The following FBXO8 variants were observed in gnomAD, a reference collection of about 807,000 sequenced individuals.
FBXO8 encodes the protein F-box protein 8, also known as F-box only protein 8.
FBXO8 carries 15 observed loss-of-function variants against 33.4 expected under a neutral mutation model. That is an observed-to-expected ratio of 0.45 (90% CI 0.30 to 0.69). The LOEUF (loss-of-function observed/expected upper bound fraction) is 0.69. Among genes scored for constraint, FBXO8 ranks in the 30% least tolerant of loss-of-function variants. FBXO8 has a pLI of 0.08. For synonymous variants in FBXO8, 132 were observed against 131.5 expected (o/e 1.00, Z -0.02); for missense variants, 274 against 380.3 (o/e 0.72, Z 2.32).
At position 174,272,297 on chromosome 4, in the gene FBXO8, A is replaced by C. The variant is rs1193014280; in HGVS notation, c.-8-9197T>G. Among the ~76,000 whole-genome samples, 2 of 152,234 alleles carry C rather than the reference A, an allele frequency of 1.3e-5. No homozygotes were observed. Among genetic ancestry groups the C allele is most frequent in the African/African-American group, 4.8e-5 (2 of 41,462 alleles). On this transcript the variant is annotated intron_variant, in intron 1 of 5. Coordinates refer to ENST00000393674, the MANE Select transcript of FBXO8 (RefSeq NM_012180.3). The surrounding 1 kb of genome is among the most constrained non-coding windows in gnomAD (Gnocchi z 4.7). ...TGAATGCTCAAGTCCCTTGTATAAA[A>C]TGGCATAGTATACATCCTCCTGTAT...
At position 174,281,398 on chromosome 4, in the gene FBXO8, A is replaced by G. The variant is rs1737084233; in HGVS notation, c.-9+2012T>C. ...CAAACCACAAATATTTTTATCTTAT[A>G]TTGCTATAAAGTACTTGCACCAGCA... On this transcript the variant is annotated intron_variant, in intron 1 of 5. Transcript: ENST00000393674. This position sits in a 1 kb window ranked among gnomAD's most constrained non-coding sequence, Gnocchi z 4.6. Among the ~76,000 whole-genome samples, 1 of 152,172 alleles carries G rather than the reference A, an allele frequency of 6.6e-6. No homozygotes were observed. The highest frequency in any genetic ancestry group is 2.4e-5 in the African/African-American group (1 of 41,446).
Position 174,253,575 on chromosome 4 carries a change from T to C in FBXO8, c.456+6124A>G, listed in dbSNP as rs2076423583. On this transcript the variant is annotated intron_variant, in intron 3 of 5. Transcript: ENST00000393674. The surrounding 1 kb of genome is among the most constrained non-coding windows in gnomAD (Gnocchi z 4.5). ...GGCTGAATCACATGTTTTAAGTGTA[T>C]CACTAGTTAAAATGGCGTTACAGAT... Among the ~76,000 whole-genome samples, 1 of 152,190 alleles carries C rather than the reference T, an allele frequency of 6.6e-6. No individual in the cohort carries two copies. Among genetic ancestry groups the C allele is most frequent in the Non-Finnish European group, 1.5e-5 (1 of 68,032 alleles).
Position 174,237,595 on chromosome 4 carries a change from A to T in FBXO8, c.777T>A (p.Ala259=), listed in dbSNP as rs947658082. Residue 259 remains alanine (A), a synonymous_variant, in exon 6 of 6, where the codon GCT becomes GCA. Transcript: ENST00000393674. This position sits in a 1 kb window ranked among gnomAD's most constrained non-coding sequence, Gnocchi z 4.4. ...LMRELGLSPD[A]VYVLCYSLIL... is the part of the protein sequence containing the mutation. Reference sequence around the variant, plus strand: ...TCAAAGAGTAGCACAGTACATAGACAGCATCTGGAAAGAAAAAGAAACAGT... The same window carrying T: ...TCAAAGAGTAGCACAGTACATAGACTGCATCTGGAAAGAAAAAGAAACAGT... 1 of 1,584,272 alleles carries T rather than the reference A, an allele frequency of 6.3e-7. No individual in the cohort carries two copies. The highest frequency in any genetic ancestry group is 8.6e-7 in the Non-Finnish European group (1 of 1,161,738).
rs1471446668 is a variant in FBXO8, at chr4:174,256,379, G to T, written c.456+3320C>A. On this transcript the variant is annotated intron_variant, in intron 3 of 5. Coordinates refer to ENST00000393674, the MANE Select transcript of FBXO8 (RefSeq NM_012180.3). This position sits in a 1 kb window ranked among gnomAD's most constrained non-coding sequence, Gnocchi z 4.6. ...ATCTGATGACAGTGCTCCAGTGAGT[G>T]GGGAAAAAGAAAACAAAATACAGTC... Among the ~76,000 whole-genome samples the T allele has an allele frequency of 6.6e-6, 1 of 152,064 alleles. No individual in the cohort carries two copies. Among genetic ancestry groups the T allele is most frequent in the Non-Finnish European group, 1.5e-5 (1 of 68,008 alleles).
In FBXO8 at chr4:174,278,161, G is replaced by A. The variant is rs1736997179; in HGVS notation, c.-9+5249C>T. 6.6e-6 allele frequency among the ~76,000 whole-genome samples: 1 copy of A among 152,018 alleles called. No homozygotes were observed. Among genetic ancestry groups the A allele is most frequent in the Non-Finnish European group, 1.5e-5 (1 of 67,948 alleles). On this transcript the variant is annotated intron_variant, in intron 1 of 5. Coordinates refer to ENST00000393674, the MANE Select transcript of FBXO8 (RefSeq NM_012180.3). The surrounding 1 kb of genome is among the most constrained non-coding windows in gnomAD (Gnocchi z 4.1). ...CAACAAATGTAGAGAAATAAAGGAA[G>A]GGTAAGTCCACAAGGAGGTCTTTCT...
At chr4:174,280,330 AT>A (rs201966438) in intron 1 of FBXO8, among the ~76,000 whole-genome samples, 4 of 152,186 alleles carry the variant, frequency 2.6e-5, no homozygotes, top group African/African-American at 9.6e-5. Context: ...CGAAAAAAAA[AT>A]AAGTCTTGGC....
Position 174,255,678 on chromosome 4 carries a change from T to C in FBXO8, c.456+4021A>G, listed in dbSNP as rs1437590829. Among the ~76,000 whole-genome samples, 1 of 152,008 alleles carries C rather than the reference T, an allele frequency of 6.6e-6. No individual in the cohort carries two copies. The highest frequency in any genetic ancestry group is 1.5e-5 in the Non-Finnish European group (1 of 67,986). ...ACAATTACACAAACAAAAATAAGCC[T>C]ATATTAAAGTTAAACCATGTTCACT... On this transcript the variant is annotated intron_variant, in intron 3 of 5. Transcript: ENST00000393674. This position sits in a 1 kb window ranked among gnomAD's most constrained non-coding sequence, Gnocchi z 4.3.
In FBXO8 at chr4:174,271,667, C is replaced by T. The variant is rs1736840341; in HGVS notation, c.-8-8567G>A. Among the ~76,000 whole-genome samples the T allele has an allele frequency of 4.6e-5, 7 of 152,154 alleles. No homozygotes were observed. The South Asian group carries it at 1.5e-3, about 32-fold the overall frequency. On this transcript the variant is annotated intron_variant, in intron 1 of 5. Coordinates refer to ENST00000393674, the MANE Select transcript of FBXO8 (RefSeq NM_012180.3). ...CCACCCTCCTTATATTTACAATTGG[C>T]CCAGCATAATGGCTGTCAAACCAAT...
At position 174,265,867 on chromosome 4, in the gene FBXO8, T is replaced by G. The variant is rs1736685105; in HGVS notation, c.-8-2767A>C. ...CACCATTGCTATTCCTCTATTTAACTTAGCAAGAAAATATCTAGAAATCAC... is the reference window on the plus strand; with the variant it reads ...CACCATTGCTATTCCTCTATTTAACGTAGCAAGAAAATATCTAGAAATCAC... On this transcript the variant is annotated intron_variant, in intron 1 of 5. Coordinates refer to ENST00000393674, the MANE Select transcript of FBXO8 (RefSeq NM_012180.3). This position sits in a 1 kb window ranked among gnomAD's most constrained non-coding sequence, Gnocchi z 4.7. Among the ~76,000 whole-genome samples, 1 of 152,206 alleles carries G rather than the reference T, an allele frequency of 6.6e-6. No individual in the cohort carries two copies. The highest frequency in any genetic ancestry group is 1.5e-5 in the Non-Finnish European group (1 of 68,038).
rs992804968 is a variant in FBXO8, at chr4:174,245,994, A to C, written c.457-4776T>G. On this transcript the variant is annotated intron_variant, in intron 3 of 5. Transcript: ENST00000393674. This position sits in a 1 kb window ranked among gnomAD's most constrained non-coding sequence, Gnocchi z 4.6. ...CATGTTGAATTTTAGGTGATGACAG[A>C]TATAACTAGAAAGGCATAGTAGGCA... Among the ~76,000 whole-genome samples the C allele has an allele frequency of 3.9e-5, 6 of 152,120 alleles. No homozygotes were observed. Among genetic ancestry groups the C allele is most frequent in the Middle Eastern group, 3.4e-3 (1 of 294 alleles).
In FBXO8 at chr4:174,275,228, T is replaced by C. The variant is rs1736933189; in HGVS notation, c.-9+8182A>G. Among the ~76,000 whole-genome samples, 1 of 152,166 alleles carries C rather than the reference T, an allele frequency of 6.6e-6. No homozygotes were observed. Among genetic ancestry groups the C allele is most frequent in the African/African-American group, 2.4e-5 (1 of 41,444 alleles). On this transcript the variant is annotated intron_variant, in intron 1 of 5. Coordinates refer to ENST00000393674, the MANE Select transcript of FBXO8 (RefSeq NM_012180.3). This position sits in a 1 kb window ranked among gnomAD's most constrained non-coding sequence, Gnocchi z 4.4. The stretch of plus-strand genomic sequence containing the variant: ...CATCATTAGCCAGGAGAGAGGTGCG[T>C]ACGGTTATAAAAGCACAGTGTGAGA...
chr4:174,242,589 G>A (rs546296248), intron 3 of FBXO8, among the ~76,000 whole-genome samples: 5 of 151,686 alleles, frequency 3.3e-5, no homozygotes, highest in East Asian at 1.9e-4. Context: ...ACGTGATAAC[G>A]TGAAACTTTC....
chr4:174,267,528 C>CA lies in FBXO8; in HGVS notation c.-8-4429dup, dbSNP rs1233731530. ...CACCACTGCACTCCAGCCTGAGTGA[C>CA]AGAGTGAGACCTTGCCTCTAAAAAA... is the stretch of plus-strand genomic sequence containing the variant. On this transcript the variant is annotated intron_variant, in intron 1 of 5. Transcript: ENST00000393674. This position sits in a 1 kb window ranked among gnomAD's most constrained non-coding sequence, Gnocchi z 4.7. Among the ~76,000 whole-genome samples, 2 of 152,036 alleles carry CA rather than the reference C, an allele frequency of 1.3e-5. No homozygotes were observed. Among genetic ancestry groups the CA allele is most frequent in the Non-Finnish European group, 2.9e-5 (2 of 68,014 alleles).
intron 4 of FBXO8, among the ~76,000 whole-genome samples, chr4:174,240,136 C>CAAAAAAAAAAAAAAAAAAAAAA (rs543054382): frequency 2.0e-5 from 1 of 49,400 alleles, no homozygotes; most frequent in Non-Finnish European, 4.5e-5. Context: ...AAAATATTTA[C>CAAAAAAAAAAAAAAAAAAAAAA]AAAAAAAAAA....
At chr4:174,244,362 T>C (rs920822697) in intron 3 of FBXO8, among the ~76,000 whole-genome samples, 2 of 151,732 alleles carry the variant, frequency 1.3e-5, no homozygotes, top group Admixed American at 6.6e-5. Context: ...CTTGTAACTT[T>C]AGTTGAGCTG....
rs1246006324 is a variant in FBXO8, at chr4:174,275,105, A to C, written c.-9+8305T>G. Among the ~76,000 whole-genome samples, 1 of 152,194 alleles carries C rather than the reference A, an allele frequency of 6.6e-6. No homozygotes were observed. Among genetic ancestry groups the C allele is most frequent in the Non-Finnish European group, 1.5e-5 (1 of 68,038 alleles). ...ACTCTCAAAACAATAGTAAACAAAA[A>C]CCAAACAATCCAATATAAAAATGGG... On this transcript the variant is annotated intron_variant, in intron 1 of 5. Transcript: ENST00000393674. This position sits in a 1 kb window ranked among gnomAD's most constrained non-coding sequence, Gnocchi z 4.4.
At chr4:174,276,547 T>C (rs1736965298) in intron 1 of FBXO8, among the ~76,000 whole-genome samples, 1 of 152,190 alleles carries the variant, frequency 6.6e-6, no homozygotes, top group Non-Finnish European at 1.5e-5. Context: ...ACAGAGCCAA[T>C]TTTTAAAAAA....
chr4:174,273,181 G>A (rs1371377767), intron 1 of FBXO8, among the ~76,000 whole-genome samples: 2 of 151,964 alleles, frequency 1.3e-5, no homozygotes. Flanking sequence ...TAGCTACTTA[G>A]GCGGCTGAGG....
chr4:174,249,329 C>T (rs1156829942), intron 3 of FBXO8, among the ~76,000 whole-genome samples: 4 of 151,912 alleles, frequency 2.6e-5, no homozygotes, highest in African/African-American at 9.7e-5. Context: ...AGAAAGCATT[C>T]TAATCAAAAT....
Sources: allele counts gnomAD v4.1 joint callset (sites outside exome capture counted in the v4.1 genomes callset), GRCh38; gene constraint gnomAD v4.1.1; non-coding constraint Gnocchi (gnomAD v3.1); transcripts MANE v1.5; gene names NCBI Gene and HGNC (gene_info 2026-07-23, HGNC 2026-07-21).